DNHD1: variants seen among roughly 807,000 people sequenced by gnomAD.
DNHD1 encodes the protein dynein heavy chain domain-containing protein 1.
In DNHD1, 383 loss-of-function variants were observed where a neutral mutation model predicts 458.1. The ratio of observed to expected loss-of-function variants is 0.84; its 90% CI spans 0.77 to 0.91. The LOEUF (loss-of-function observed/expected upper bound fraction) is 0.91. Among genes scored for constraint, DNHD1 ranks in the 40% least tolerant of loss-of-function variants. DNHD1 has a pLI of 0.00. For synonymous variants in DNHD1, 2,203 were observed against 2,376.9 expected (o/e 0.93, Z 2.13); for missense variants, 5,336 against 5,866.1 (o/e 0.91, Z 2.95).
In DNHD1 at chr11:6,559,106, G is replaced by A. The variant is rs1190833720; in HGVS notation, c.9416G>A (p.Arg3139Gln). 5.8e-6 allele frequency: 9 copies of A among 1,551,654 alleles called. No individual in the cohort carries two copies. The Admixed American group carries it at 7.8e-5, about 14-fold the overall frequency. Residue 3139 changes from arginine (R) to glutamine (Q), a missense_variant and splice_region_variant, in exon 27 of 43, where the codon CGG (arginine) becomes CAG (glutamine). Coordinates refer to ENST00000254579, the MANE Select transcript of DNHD1 (RefSeq NM_144666.3). ...TILKIKNKAQ[R>Q]VQNALENLRM... is the part of the protein sequence containing the mutation. ...CTGAAGATTAAGAACAAGGCCCAGC[G>A]GTGAGTGTCCCGTCCCCTGCAGTGT...
In DNHD1 at chr11:6,563,070, T is replaced by C. The variant is rs375591997; in HGVS notation, c.9608T>C (p.Ile3203Thr). The C allele has an allele frequency of 2.3e-5, 36 of 1,551,428 alleles. No individual in the cohort carries two copies. Among genetic ancestry groups the C allele is most frequent in the East Asian group, 4.9e-5 (2 of 40,904 alleles). The stretch of plus-strand genomic sequence containing the variant: ...GAGTGTCGGCATCAAGAGAACCTCA[T>C]TGAGAACCTGGCCAGGCAACGGGAT... ...LEECRHQENL[I>T]ENLARQRDAL... The change falls in exon 29 of 43, where the codon ATT becomes ACT. Residue 3203 changes from isoleucine (I) to threonine (T), a missense_variant. Physicochemically the swap from Ile to Thr is moderately conservative, Grantham distance 89. This residue lies in a region of DNHD1 where 3,932 missense variants were observed against 4,365.6 expected (regional missense o/e 0.90). Transcript: ENST00000254579.
chr11:6,570,851 A>T lies in DNHD1; in HGVS notation c.13339A>T (p.Asn4447Tyr), dbSNP rs746233551. The change falls in exon 42 of 43, where the codon AAC (asparagine) becomes TAC (tyrosine). Residue 4447 changes from asparagine to tyrosine, a missense_variant. Around this residue, in one of 4 missense-constraint regions of DNHD1, gnomAD observed 698 missense variants for 664.9 expected, o/e 1.05. Transcript: ENST00000254579. ...ACTGCGGCAACGCCTAGTGCAAGTC[A>T]ACCGGAGGCTGGAGTCACTGCAGGA... ...RRLRQRLVQVNRRLESLQDLL... is the reference protein window; with the variant it reads ...RRLRQRLVQVYRRLESLQDLL... 1 of 1,614,046 alleles carries T rather than the reference A, an allele frequency of 6.2e-7. No individual in the cohort carries two copies. Among genetic ancestry groups the T allele is most frequent in the East Asian group, 2.2e-5 (1 of 44,884 alleles).
In DNHD1 at chr11:6,505,984, T is replaced by C. The variant is rs11040903; in HGVS notation, c.921-2896T>C. ...TTAAACTATCAGCATCTTTTATAAT[T>C]AGAGAAGCATCTCGATCAAAGACAG... On this transcript the variant is annotated intron_variant, in intron 4 of 42. Coordinates refer to ENST00000254579, the MANE Select transcript of DNHD1 (RefSeq NM_144666.3). The surrounding 1 kb of genome is among the most constrained non-coding windows in gnomAD (Gnocchi z 4.4). Among the ~76,000 whole-genome samples, 217 of 152,264 alleles carry C rather than the reference T, an allele frequency of 1.4e-3. No individual in the cohort carries two copies. Among genetic ancestry groups the C allele is most frequent in the African/African-American group, 5.1e-3 (213 of 41,546 alleles).
At chr11:6,521,989 T>G (rs1244298120) in intron 10 of DNHD1, among the ~76,000 whole-genome samples, 1 of 152,222 alleles carries the variant, frequency 6.6e-6, no homozygotes, top group Non-Finnish European at 1.5e-5. Context: ...AGTGCTGGGA[T>G]TACAGGCATG....
chr11:6,566,334 T>G lies in DNHD1; in HGVS notation c.11147T>G (p.Val3716Gly), dbSNP rs1476680296. ...LQREQLSPPQVQPGFCLYLST... is the reference protein window; with the variant it reads ...LQREQLSPPQGQPGFCLYLST... ...CGGGAGCAGCTGAGTCCACCCCAGG[T>G]GCAGCCTGGCTTCTGTCTGTATCTC... is the stretch of plus-strand genomic sequence containing the variant. Residue 3716 changes from valine (V) to glycine (G), a missense_variant, in exon 34 of 43, where the codon GTG becomes GGG. Physicochemically the swap from Val to Gly is moderately radical, Grantham distance 109. This residue lies in a region of DNHD1 where 695 missense variants were observed against 804.2 expected (regional missense o/e 0.86). Transcript: ENST00000254579. 1 of 1,554,004 alleles carries G rather than the reference T, an allele frequency of 6.4e-7. No individual in the cohort carries two copies. Among genetic ancestry groups the G allele is most frequent in the Non-Finnish European group, 8.7e-7 (1 of 1,148,384 alleles).
At position 6,498,858 on chromosome 11, in the gene DNHD1, C is replaced by G. The variant is rs1852085243; in HGVS notation, c.643C>G (p.Leu215Val). The G allele has an allele frequency of 1.2e-6, 2 of 1,614,250 alleles. No individual in the cohort carries two copies. Among genetic ancestry groups the G allele is most frequent in the African/African-American group, 2.7e-5 (2 of 75,064 alleles). The change falls in exon 3 of 43, where the codon CTT becomes GTT. Residue 215 changes from leucine to valine, a missense_variant. Coordinates refer to ENST00000254579, the MANE Select transcript of DNHD1 (RefSeq NM_144666.3). ...ALEEAVWLDG[L>V]SLLPLALAAD... ...AGAAGAGGCTGTGTGGCTGGATGGA[C>G]TTAGTCTCCTTCCCTTGGCACTGGC...
Position 6,571,321 on chromosome 11 carries a change from C to A in DNHD1, c.13809C>A (p.Asp4603Glu). 3 of 1,612,450 alleles carry A rather than the reference C, an allele frequency of 1.9e-6. No individual in the cohort carries two copies. In the Admixed American group the frequency reaches 5.0e-5, roughly 27 times the overall value. Residue 4603 changes from aspartate (D) to glutamate (E), a missense_variant, in exon 42 of 43, where the codon GAC becomes GAA. Transcript: ENST00000254579. The surrounding 1 kb of genome is among the most constrained non-coding windows in gnomAD (Gnocchi z 5.0). ...CATTGCGTGGGGAAGCTGCCCTGGA[C>A]CAGAATGTGCCCAGCTCGAATTTCC... The part of the protein sequence containing the change: ...LLALRGEAAL[D>E]QNVPSSNFPG...
In DNHD1 at chr11:6,571,134, C is replaced by T. The variant is rs1305873979; in HGVS notation, c.13622C>T (p.Ala4541Val). ...CTACCCTTGCCTTGGCGACCTCATG[C>T]GCCGGCCGGTCCGCAGCCGCCCTGG... ...GRLPLPWRPH[A>V]PAGPQPPWHW... Residue 4541 changes from alanine (A) to valine (V), a missense_variant, in exon 42 of 43, where the codon GCG (alanine) becomes GTG (valine). By Grantham distance (64) the Ala-to-Val change is moderately conservative (BLOSUM62 0). This residue lies in a region of DNHD1 where 698 missense variants were observed against 664.9 expected (regional missense o/e 1.05). Transcript: ENST00000254579. This position sits in a 1 kb window ranked among gnomAD's most constrained non-coding sequence, Gnocchi z 5.0. 3 of 1,600,360 alleles carry T rather than the reference C, an allele frequency of 1.9e-6. No individual in the cohort carries two copies. Among genetic ancestry groups the T allele is most frequent in the Non-Finnish European group, 2.6e-6 (3 of 1,175,282 alleles).
intron 24 of DNHD1, among the ~76,000 whole-genome samples, chr11:6,549,315 G>C (rs117021573): frequency 6.6e-6 from 1 of 152,318 alleles, no homozygotes; most frequent in East Asian, 1.9e-4. Context: ...ATGTAAGCCA[G>C]AAATCTTGTT....
intron 39 of DNHD1, 135 bp downstream of exon 39, chr11:6,569,001 C>A: frequency 9.1e-7 from 1 of 1,104,734 alleles, no homozygotes; most frequent in Non-Finnish European, 1.3e-6. Context: ...TCAAGGAAGG[C>A]TTCTCCAAAG....
In DNHD1 at chr11:6,526,615, G is replaced by T. The variant is rs955060974; in HGVS notation, c.1838-1907G>T. 3.4e-5 allele frequency among the ~76,000 whole-genome samples: 5 copies of T among 146,140 alleles called. 1 individual carries two copies. In the South Asian group the frequency reaches 1.1e-3, roughly 33 times the overall value. On this transcript the variant is annotated intron_variant, in intron 10 of 42. Coordinates refer to ENST00000254579, the MANE Select transcript of DNHD1 (RefSeq NM_144666.3). Reference sequence around the variant, plus strand: ...CTATTGTTTTTCTGTATTAAAAAAAGATGGCTTACTTTCTGAGGTTTTCTG... The same window carrying T: ...CTATTGTTTTTCTGTATTAAAAAAATATGGCTTACTTTCTGAGGTTTTCTG...
Position 6,558,207 on chromosome 11 carries a change from C to A in DNHD1, c.8912C>A (p.Thr2971Lys), listed in dbSNP as rs748289314. The A allele has an allele frequency of 6.4e-7, 1 of 1,551,742 alleles. No homozygotes were observed. Among genetic ancestry groups the A allele is most frequent in the South Asian group, 1.2e-5 (1 of 84,058 alleles). The change falls in exon 25 of 43, where the codon ACA (threonine) becomes AAA (lysine). Residue 2971 changes from threonine (T) to lysine (K), a missense_variant. Coordinates refer to ENST00000254579, the MANE Select transcript of DNHD1 (RefSeq NM_144666.3). ...ATSGSFPGQY[T>K]EADLDRIGEH... ...TCAGGCAGTTTCCCTGGCCAGTACA[C>A]AGAAGCAGATTTGGACCGCATTGGA...
Position 6,533,962 on chromosome 11 carries a change from G to C in DNHD1, c.2787G>C (p.Lys929Asn), listed in dbSNP as rs1395975370. The change falls in exon 14 of 43, where the codon AAG becomes AAC. Residue 929 changes from lysine to asparagine, a missense_variant. By Grantham distance (94) the Lys-to-Asn change is moderately conservative. This residue lies in a region of DNHD1 where 3,932 missense variants were observed against 4,365.6 expected (regional missense o/e 0.90). Transcript: ENST00000254579. ...AGGCTTCAGAGTTCCTGCTCAGCAAGCGACATGCCATTATGCCCAAGCTGC... is the reference window on the plus strand; with the variant it reads ...AGGCTTCAGAGTTCCTGCTCAGCAACCGACATGCCATTATGCCCAAGCTGC... ...KSQASEFLLS[K>N]RHAIMPKLQQ... 1 of 1,551,324 alleles carries C rather than the reference G, an allele frequency of 6.4e-7. No homozygotes were observed. The highest frequency in any genetic ancestry group is 8.7e-7 in the Non-Finnish European group (1 of 1,146,950).
intron 7 of DNHD1, 37 bp downstream of exon 7, chr11:6,511,466 A>C (rs769621788): frequency 1.8e-5 from 29 of 1,604,944 alleles, no homozygotes; most frequent in Non-Finnish European, 8.5e-7. Context: ...CCTCTTCCCC[A>C]AGTTGAGCTC....
At chr11:6,532,960 C>T (rs1247498157) in intron 12 of DNHD1, 67 bp from the exon 13 acceptor site, 2 of 1,473,970 alleles carry the variant, frequency 1.4e-6, no homozygotes, top group African/African-American at 1.4e-5. Flanking sequence ...CACTCTGGAC[C>T]ACAGCACTGT....
chr11:6,544,173 G>C lies in DNHD1; in HGVS notation c.3681G>C (p.Lys1227Asn), dbSNP rs773417733. Residue 1227 changes from lysine (K) to asparagine (N), a missense_variant, in exon 19 of 43, where the codon AAG becomes AAC. Physicochemically the swap from Lys to Asn is moderately conservative, Grantham distance 94 (BLOSUM62 0). Around this residue, in one of 4 missense-constraint regions of DNHD1, gnomAD observed 3,932 missense variants for 4,365.6 expected, o/e 0.90. Coordinates refer to ENST00000254579, the MANE Select transcript of DNHD1 (RefSeq NM_144666.3). ...SIQESLQVLSKILAIEKSGDL... is the reference protein window; with the variant it reads ...SIQESLQVLSNILAIEKSGDL... ...AGGAAAGTCTTCAGGTGTTGTCCAAGATCTTGGCCATCGAAAAGTCAGGAG... is the reference window on the plus strand; with the variant it reads ...AGGAAAGTCTTCAGGTGTTGTCCAACATCTTGGCCATCGAAAAGTCAGGAG... The C allele has an allele frequency of 2.6e-6, 4 of 1,551,600 alleles. No homozygotes were observed. The East Asian group carries it at 9.8e-5, about 38-fold the overall frequency.
rs532170887 is a variant in DNHD1, at chr11:6,570,497, G to T, written c.13105+101G>T. On this transcript the variant is annotated intron_variant, in intron 41 of 42. Coordinates refer to ENST00000254579, the MANE Select transcript of DNHD1 (RefSeq NM_144666.3). Reference sequence around the variant, plus strand: ...AGCAGTCTCAATAAAGGTATATGAGGGGGTAATATTCATACTGTTATGGGG... The same window carrying T: ...AGCAGTCTCAATAAAGGTATATGAGTGGGTAATATTCATACTGTTATGGGG... The T allele has an allele frequency of 1.3e-5, 20 of 1,483,526 alleles. No homozygotes were observed. The African/African-American group carries it at 2.2e-4, about 17-fold the overall frequency. 91.9% of individuals were successfully genotyped at this position (1,483,526 alleles called of 1,614,324 possible).
Position 6,547,472 on chromosome 11 carries a change from T to G in DNHD1, c.6533T>G (p.Leu2178Arg). ...CTGCAGCACCGGACAGTCGCTGAGC[T>G]CAACCACATGGCTGAGGTTCTGGTG... ...YRLQHRTVAE[L>R]NHMAEVLVPA... The change falls in exon 21 of 43, where the codon CTC becomes CGC. Residue 2178 changes from leucine to arginine, a missense_variant. Transcript: ENST00000254579. 6.4e-7 allele frequency: 1 copy of G among 1,550,942 alleles called. No homozygotes were observed.
chr11:6,536,086 T>G (rs1852941952), intron 14 of DNHD1, among the ~76,000 whole-genome samples: 1 of 152,038 alleles, frequency 6.6e-6, no homozygotes, highest in African/African-American at 2.4e-5. Flanking sequence ...CAGCTGAGAA[T>G]GAGTATCATT....
Sources: gnomAD v4.1 joint callset for allele counts (sites outside exome capture counted in the v4.1 genomes callset) on GRCh38, gnomAD v4.1.1 for gene constraint, gnomAD v4.1.1 regional missense constraint, Gnocchi (gnomAD v3.1) non-coding constraint, MANE v1.5 for transcripts, NCBI Gene and HGNC (gene_info 2026-07-23, HGNC 2026-07-21) for gene names.